PDE10A: variants seen among roughly 807,000 people sequenced by gnomAD.
The protein encoded by PDE10A is phosphodiesterase 10A, also known as cAMP and cAMP-inhibited cGMP 3',5'-cyclic phosphodiesterase 10A.
In PDE10A, 39 loss-of-function variants were observed where a neutral mutation model predicts 97.7. The observed-to-expected ratio is 0.40, with a 90% CI of 0.31 to 0.52. PDE10A has a LOEUF of 0.52. Among genes scored for constraint, PDE10A ranks in the 20% least tolerant of loss-of-function variants. The pLI, the probability that PDE10A is intolerant of heterozygous loss-of-function variation, is 0.56. For missense variants in PDE10A, 731 were observed against 1,047.8 expected (o/e 0.70, Z 4.17); for synonymous variants, 371 against 376.8 (o/e 0.98, Z 0.18).
intron 1 of PDE10A, among the ~76,000 whole-genome samples, chr6:165,731,368 C>T (rs1334265448): frequency 6.6e-6 from 1 of 152,158 alleles, no homozygotes; most frequent in South Asian, 2.1e-4. Context: ...AGGTTCTGGG[C>T]GGCCTGGGTG....
chr6:165,637,243 C>T (rs76078282), intron 1 of PDE10A, among the ~76,000 whole-genome samples: 2,611 of 152,226 alleles, frequency 0.017, 73 homozygotes, highest in East Asian at 0.088. Flanking sequence ...CTCAGTGGAA[C>T]GGCAAAGAAT....
At chr6:165,939,261 T>C (rs1238648062) in intron 1 of PDE10A, among the ~76,000 whole-genome samples, 1 of 152,206 alleles carries the variant, frequency 6.6e-6, no homozygotes, top group African/African-American at 2.4e-5. Flanking sequence ...CAAGTGCAGA[T>C]GGTGAAATTG....
chr6:165,410,905 G>A (rs1433820637), intron 13 of PDE10A, among the ~76,000 whole-genome samples: 1 of 117,492 alleles, frequency 8.5e-6, no homozygotes, highest in African/African-American at 3.7e-5. Flanking sequence ...TGGCTAACAC[G>A]GTGAAACCCC....
chr6:165,612,069 T>C (rs76917121), intron 1 of PDE10A, among the ~76,000 whole-genome samples: 4,429 of 152,286 alleles, frequency 0.029, 200 homozygotes, highest in African/African-American at 0.098. Flanking sequence ...CACTGTATAG[T>C]GAACAATCAT....
At chr6:165,586,895 C>T (rs886830272) in intron 1 of PDE10A, among the ~76,000 whole-genome samples, 1 of 152,068 alleles carries the variant, frequency 6.6e-6, no homozygotes, top group East Asian at 1.9e-4. Context: ...AAATGCTGAG[C>T]TAATGACAAA....
chr6:165,758,527 AGAAGAG>A (rs748207238), intron 1 of PDE10A, among the ~76,000 whole-genome samples: 11 of 140,534 alleles, frequency 7.8e-5, no homozygotes, highest in Non-Finnish European at 1.1e-4. Flanking sequence ...AAGAAGAAGA[AGAAGAG>A]GAAGAGGAAG....
intron 17 of PDE10A, among the ~76,000 whole-genome samples, chr6:165,387,692 C>T (rs1785403314): frequency 6.6e-6 from 1 of 152,182 alleles, no homozygotes; most frequent in South Asian, 2.1e-4. Context: ...TATACTTAAG[C>T]CAAACCCAGA....
chr6:165,602,957 T>C (rs1787035669), intron 1 of PDE10A, among the ~76,000 whole-genome samples: 1 of 152,234 alleles, frequency 6.6e-6, no homozygotes, highest in Admixed American at 6.5e-5. Context: ...TAGTTTGTAT[T>C]ACATTTTCTT....
Position 165,828,920 on chromosome 6 carries a change from G to A in PDE10A, c.-615+158609C>T, listed in dbSNP as rs116922703. On this transcript the variant is annotated intron_variant, in intron 1 of 19. Transcript: ENST00000366882. Reference sequence around the variant, plus strand: ...AAAAAAGGCTAATTTAAGGTAACACGGCAGCGTTAATGAAATCAAGCTAGT... The same window carrying A: ...AAAAAAGGCTAATTTAAGGTAACACAGCAGCGTTAATGAAATCAAGCTAGT... 9.1e-3 allele frequency among the ~76,000 whole-genome samples: 1,382 copies of A among 152,262 alleles called. 23 individuals carry two copies. The highest frequency in any genetic ancestry group is 0.013 in the Non-Finnish European group (911 of 68,026).
At chr6:165,824,065 C>CT (rs1295365110) in intron 1 of PDE10A, among the ~76,000 whole-genome samples, 1 of 152,224 alleles carries the variant, frequency 6.6e-6, no homozygotes, top group Non-Finnish European at 1.5e-5. Context: ...TAAATGCTGT[C>CT]TGACCCTTAC....
intron 1 of PDE10A, among the ~76,000 whole-genome samples, chr6:165,680,544 T>C (rs1346468805): frequency 1.3e-5 from 2 of 152,218 alleles, no homozygotes; most frequent in Admixed American, 1.3e-4. Context: ...TAAGTAAAGA[T>C]AGAGGAATCT....
chr6:165,396,819 A>G (rs1320043192), intron 13 of PDE10A, among the ~76,000 whole-genome samples: 1 of 152,218 alleles, frequency 6.6e-6, no homozygotes, highest in Non-Finnish European at 1.5e-5. Flanking sequence ...TTTAAAGATC[A>G]TCGTAAGATC....
chr6:165,831,633 C>T (rs568899588), intron 1 of PDE10A, among the ~76,000 whole-genome samples: 38 of 151,562 alleles, frequency 2.5e-4, no homozygotes, highest in Non-Finnish European at 4.4e-4. Context: ...TACAGGCGCC[C>T]GCCACCACGC....
At chr6:165,783,699 G>C (rs75399576) in intron 1 of PDE10A, among the ~76,000 whole-genome samples, 1 of 152,026 alleles carries the variant, frequency 6.6e-6, no homozygotes, top group African/African-American at 2.4e-5. Context: ...CTTACCAGCC[G>C]TTACTAGCCC....
chr6:165,873,478 T>A (rs1323449004), intron 1 of PDE10A, among the ~76,000 whole-genome samples: 2 of 152,092 alleles, frequency 1.3e-5, no homozygotes, highest in African/African-American at 4.8e-5. Flanking sequence ...TTTCATATTA[T>A]AAATTCAGAG....
intron 1 of PDE10A, among the ~76,000 whole-genome samples, chr6:165,889,704 G>A (rs887285949): frequency 1.5e-4 from 23 of 152,098 alleles, no homozygotes. Flanking sequence ...CTCCATGACA[G>A]GACTATGACT....
At chr6:165,957,509 C>T (rs1282256580) in intron 1 of PDE10A, among the ~76,000 whole-genome samples, 1 of 151,972 alleles carries the variant, frequency 6.6e-6, no homozygotes, top group Non-Finnish European at 1.5e-5. Context: ...AATCCCAAAA[C>T]CAAAAAATAT....
chr6:165,628,686 T>G (rs906066496), intron 1 of PDE10A, among the ~76,000 whole-genome samples: 4 of 152,164 alleles, frequency 2.6e-5, no homozygotes, highest in Non-Finnish European at 5.9e-5. Context: ...ATTAACTTGT[T>G]CTGATTTGGA....
Position 165,816,173 on chromosome 6 carries a change from T to A in PDE10A, c.-615+171356A>T, listed in dbSNP as rs1779405039. Among the ~76,000 whole-genome samples, 3 of 152,122 alleles carry A rather than the reference T, an allele frequency of 2.0e-5. No individual in the cohort carries two copies. In the South Asian group the frequency reaches 6.2e-4, roughly 32 times the overall value. ...ACCGTGTTAGCCAGGATGCTCTCAA[T>A]CTCCTGACCTCGTGATCTGCCCGCC... On this transcript the variant is annotated intron_variant, in intron 1 of 19. Coordinates refer to the PDE10A transcript ENST00000366882.
Sources: gnomAD v4.1 joint callset for allele counts (sites outside exome capture counted in the v4.1 genomes callset) on GRCh38, gnomAD v4.1.1 for gene constraint, MANE v1.5 for transcripts, NCBI Gene and HGNC (gene_info 2026-07-23, HGNC 2026-07-21) for gene names.